The following GNG2 variants were observed in gnomAD, a reference collection of about 807,000 sequenced individuals.
The protein encoded by GNG2 is G protein subunit gamma 2.
In GNG2, 5 loss-of-function variants were observed where a neutral mutation model predicts 5.5. The observed-to-expected ratio is 0.91, with a 90% confidence interval of 0.48 to 1.92. The LOEUF (loss-of-function observed/expected upper bound fraction) is 1.92. Among genes scored for constraint, GNG2 ranks in the 30% most tolerant of loss-of-function variants. GNG2 has a pLI of 0.01. For missense variants in GNG2, 55 were observed against 88.4 expected (o/e 0.62, Z 1.52); for synonymous variants, 28 against 32.0 (o/e 0.88, Z 0.42).
chr14:51,948,552 A>G (rs1271479490), intron 2 of GNG2, among the ~76,000 whole-genome samples: 3 of 152,210 alleles, frequency 2.0e-5, no homozygotes, highest in Non-Finnish European at 4.4e-5. Context: ...TGAATAAGTC[A>G]ATGCTCTATC....
chr14:51,907,967 G>A (rs1161586000), intron 2 of GNG2, among the ~76,000 whole-genome samples: 1 of 152,242 alleles, frequency 6.6e-6, no homozygotes, highest in African/African-American at 2.4e-5. Flanking sequence ...TCCTGTATTA[G>A]TTATCTATAG....
At chr14:51,897,279 C>T (rs1050894421) in intron 2 of GNG2, among the ~76,000 whole-genome samples, 1 of 152,194 alleles carries the variant, frequency 6.6e-6, no homozygotes, top group Non-Finnish European at 1.5e-5. Flanking sequence ...TCAAGTCATT[C>T]ACTTACAGTT....
intron 3 of GNG2, chr14:51,951,962 A>G (rs1889002840): frequency 1.4e-6 from 1 of 691,978 alleles, no homozygotes; most frequent in African/African-American, 1.8e-5. Context: ...AGAGCTCTAT[A>G]AAAGGACCAA....
intron 2 of GNG2, among the ~76,000 whole-genome samples, chr14:51,904,982 A>G (rs1237895516): frequency 6.6e-6 from 1 of 152,176 alleles, no homozygotes; most frequent in African/African-American, 2.4e-5. Flanking sequence ...ATAAATGTAA[A>G]TGGAAATATA....
chr14:51,942,381 C>G (rs1458267844), intron 2 of GNG2, among the ~76,000 whole-genome samples: 21 of 151,998 alleles, frequency 1.4e-4, no homozygotes. Flanking sequence ...GTCTCCACTT[C>G]TGCACACTAA....
chr14:51,861,964 T>G (rs996616303), intron 1 of GNG2, among the ~76,000 whole-genome samples: 6 of 152,160 alleles, frequency 3.9e-5, no homozygotes, highest in Non-Finnish European at 8.8e-5. Context: ...GAGTAAAAAT[T>G]TAAAAAAAGT....
At chr14:51,925,731 C>A (rs1887272030) in intron 2 of GNG2, among the ~76,000 whole-genome samples, 1 of 152,152 alleles carries the variant, frequency 6.6e-6, no homozygotes, top group South Asian at 2.1e-4. Flanking sequence ...CTTGCCTCAG[C>A]CTCCTGAGCA....
At chr14:51,931,021 G>C (rs550124877) in intron 2 of GNG2, among the ~76,000 whole-genome samples, 46 of 152,180 alleles carry the variant, frequency 3.0e-4, no homozygotes, top group African/African-American at 1.1e-3. Context: ...GCTTGAGCCC[G>C]GGATCCCAGG....
intron 3 of GNG2, among the ~76,000 whole-genome samples, chr14:51,958,881 C>G (rs886230620): frequency 2.0e-5 from 3 of 152,142 alleles, no homozygotes; most frequent in South Asian, 2.1e-4. Context: ...CTCTTACACC[C>G]ATTCCAATGA....
intron 2 of GNG2, chr14:51,917,301 G>C: frequency 2.2e-6 from 1 of 455,494 alleles, no homozygotes; most frequent in Non-Finnish European, 4.4e-6. Context: ...AAGAGGGATA[G>C]GGAAGAAACA....
intron 2 of GNG2, among the ~76,000 whole-genome samples, chr14:51,850,279 T>C (rs1386769594): frequency 6.6e-6 from 1 of 152,220 alleles, no homozygotes; most frequent in Non-Finnish European, 1.5e-5. Context: ...TTGCCTCTTA[T>C]GTGGCTGTTA....
chr14:51,826,674 A>T (rs1881037997), intron 1 of GNG2, among the ~76,000 whole-genome samples: 1 of 152,248 alleles, frequency 6.6e-6, no homozygotes, highest in African/African-American at 2.4e-5. Flanking sequence ...GTGTGGCTAC[A>T]GATAAACTAG....
chr14:51,843,248 A>G (rs1002950113), intron 2 of GNG2, among the ~76,000 whole-genome samples: 1 of 152,140 alleles, frequency 6.6e-6, no homozygotes, highest in Non-Finnish European at 1.5e-5. Context: ...ACAAACATCT[A>G]CTTGGTTGTC....
intron 2 of GNG2, among the ~76,000 whole-genome samples, chr14:51,846,572 C>T (rs989880417): frequency 2.0e-5 from 3 of 152,150 alleles, no homozygotes; most frequent in Non-Finnish European, 2.9e-5. Context: ...AATGTGTGTG[C>T]GACCTGTTTT....
At chr14:51,935,679 C>CTTTCT (rs1178763045) in intron 2 of GNG2, among the ~76,000 whole-genome samples, 1 of 151,830 alleles carries the variant, frequency 6.6e-6, no homozygotes, top group Non-Finnish European at 1.5e-5. Flanking sequence ...TTTTCTTTTT[C>CTTTCT]TTTCTTTTCT....
chr14:51,951,445 C>T (rs767798099), intron 3 of GNG2, among the ~76,000 whole-genome samples: 119 of 152,174 alleles, frequency 7.8e-4, no homozygotes, highest in Non-Finnish European at 1.5e-3. Flanking sequence ...GGCCAATATG[C>T]TGTCGTTATT....
In GNG2 at chr14:51,934,821, TA is replaced by T. The variant is rs1887875965; in HGVS notation, c.-29-15823del. On this transcript the variant is annotated intron_variant, in intron 2 of 3. Coordinates refer to ENST00000556766, the MANE Select transcript of GNG2 (RefSeq NM_053064.5). ...ACATTTATAAAAAAGAGCTGTCCTC[TA>T]AAAAACTCCCTGGAGATCCACACAA... Among the ~76,000 whole-genome samples the T allele has an allele frequency of 2.2e-5, 3 of 136,080 alleles. No homozygotes were observed. The South Asian group carries it at 7.0e-4, about 32-fold the overall frequency. 89.3% of individuals were successfully genotyped at this position (136,080 alleles called of 152,430 possible).
intron 2 of GNG2, among the ~76,000 whole-genome samples, chr14:51,830,378 C>A (rs1388844864): frequency 6.6e-6 from 1 of 152,176 alleles, no homozygotes; most frequent in Non-Finnish European, 1.5e-5. Flanking sequence ...GTCCTCATAA[C>A]TCCCAAGATT....
At chr14:51,956,569 A>G (rs1889283162) in intron 3 of GNG2, among the ~76,000 whole-genome samples, 1 of 152,150 alleles carries the variant, frequency 6.6e-6, no homozygotes, top group Non-Finnish European at 1.5e-5. Context: ...TTGTTTTTCT[A>G]TACACACTTC....
Sources: gnomAD v4.1 joint callset for allele counts (sites outside exome capture counted in the v4.1 genomes callset) on GRCh38, gnomAD v4.1.1 for gene constraint, MANE v1.5 for transcripts, NCBI Gene and HGNC (gene_info 2026-07-23, HGNC 2026-07-21) for gene names.